Variants in CNTN1 observed in about 807,000 individuals in gnomAD.
CNTN1 encodes contactin-1.
In CNTN1, 38 loss-of-function variants were observed where a neutral mutation model predicts 126.4. The observed-to-expected ratio is 0.30, with a 90% CI of 0.23 to 0.39. The LOEUF (loss-of-function observed/expected upper bound fraction) is 0.39. Among genes scored for constraint, CNTN1 ranks in the 10% least tolerant of loss-of-function variants. The probability of loss-of-function intolerance (pLI) is 1.00; values close to 1 mark genes in which losing one functional copy is unlikely to be tolerated. For missense variants in CNTN1, 1,009 were observed against 1,248.4 expected (o/e 0.81, Z 2.89); for synonymous variants, 413 against 422.6 (o/e 0.98, Z 0.28).
intron 23 of CNTN1, among the ~76,000 whole-genome samples, chr12:41,041,973 G>T (rs562951650): frequency 6.6e-6 from 1 of 152,122 alleles, no homozygotes; most frequent in South Asian, 2.1e-4. Context: ...GAATATGTTT[G>T]CTCTTGCTTT....
chr12:40,705,682 C>T (rs527805079), intron 1 of CNTN1, among the ~76,000 whole-genome samples: 1 of 152,192 alleles, frequency 6.6e-6, no homozygotes, highest in South Asian at 2.1e-4. Context: ...TTAGTCCATT[C>T]CTGCATTGCT....
chr12:40,804,463 G>A lies in CNTN1; in HGVS notation c.-76-103894G>A, dbSNP rs1296615692. On this transcript the variant is annotated intron_variant, in intron 1 of 23. Transcript: ENST00000551295. The stretch of plus-strand genomic sequence containing the variant: ...AAGAGACTGTATGTTTGAAAAGAAG[G>A]TTGGGAAACCAGTTTAATATTCCAC... 2.0e-5 allele frequency among the ~76,000 whole-genome samples: 3 copies of A among 152,006 alleles called. No homozygotes were observed. The South Asian group carries it at 6.2e-4, about 32-fold the overall frequency.
intron 1 of CNTN1, among the ~76,000 whole-genome samples, chr12:40,717,096 A>G (rs577254035): frequency 6.6e-6 from 1 of 152,270 alleles, no homozygotes; most frequent in South Asian, 2.1e-4. Context: ...CTGTTTTATA[A>G]GAAAGGCTCA....
intron 15 of CNTN1, among the ~76,000 whole-genome samples, chr12:40,964,525 A>AGTGTGTGTGTGTGTGTGTGTGT: frequency 9.5e-6 from 1 of 104,822 alleles, no homozygotes; most frequent in African/African-American, 3.0e-5. Context: ...CGTGTAAGTG[A>AGTGTGTGTGTGTGTGTGTGTGT]GTGTGTGTGT....
chr12:40,926,646 CAA>C (rs1234488936), intron 6 of CNTN1, among the ~76,000 whole-genome samples: 4 of 151,942 alleles, frequency 2.6e-5, no homozygotes, highest in Non-Finnish European at 5.9e-5. Flanking sequence ...AAGGTGGAAA[CAA>C]GAGATCTGTT....
At chr12:40,858,694 A>C (rs541545048) in intron 1 of CNTN1, among the ~76,000 whole-genome samples, 16 of 152,294 alleles carry the variant, frequency 1.1e-4, no homozygotes, top group Non-Finnish European at 2.1e-4. Flanking sequence ...TCATTGCAGC[A>C]CTATTCACAA....
intron 3 of CNTN1, among the ~76,000 whole-genome samples, chr12:40,916,061 G>T (rs1362885381): frequency 6.6e-6 from 1 of 151,960 alleles, no homozygotes; most frequent in Non-Finnish European, 1.5e-5. Flanking sequence ...GTACTTAGAA[G>T]ATCTTTATGA....
At chr12:40,701,245 C>G (rs939789202) in intron 1 of CNTN1, among the ~76,000 whole-genome samples, 1 of 152,132 alleles carries the variant, frequency 6.6e-6, no homozygotes. Context: ...TCTTTCACTA[C>G]AGTAATTTAC....
intron 1 of CNTN1, among the ~76,000 whole-genome samples, chr12:40,780,298 A>G (rs1158015996): frequency 6.6e-6 from 1 of 151,926 alleles, no homozygotes; most frequent in Non-Finnish European, 1.5e-5. Context: ...AACTTGTCAC[A>G]TACATATCCC....
intron 15 of CNTN1, among the ~76,000 whole-genome samples, chr12:40,978,510 G>A (rs1464916574): frequency 6.6e-6 from 1 of 151,990 alleles, no homozygotes; most frequent in African/African-American, 2.4e-5. Flanking sequence ...TTACAGAACT[G>A]CCTGAACATT....
At chr12:41,018,610 A>T (rs1031521882) in intron 19 of CNTN1, among the ~76,000 whole-genome samples, 1 of 150,976 alleles carries the variant, frequency 6.6e-6, no homozygotes, top group Middle Eastern at 3.5e-3. Flanking sequence ...GTGTGTATAT[A>T]TAAGTATATA....
At chr12:40,861,257 T>A (rs1162273483) in intron 1 of CNTN1, among the ~76,000 whole-genome samples, 1 of 152,150 alleles carries the variant, frequency 6.6e-6, no homozygotes, top group Non-Finnish European at 1.5e-5. Flanking sequence ...TTTGGCTGCA[T>A]TTGTCTCAGC....
At chr12:40,867,075 C>T (rs4768314) in intron 1 of CNTN1, among the ~76,000 whole-genome samples, 1 of 152,134 alleles carries the variant, frequency 6.6e-6, no homozygotes, top group African/African-American at 2.4e-5. Context: ...TGGTGAGCAC[C>T]AGAAGTCTCT....
intron 23 of CNTN1, among the ~76,000 whole-genome samples, chr12:41,047,812 T>A (rs1007837842): frequency 7.2e-5 from 11 of 152,068 alleles, no homozygotes; most frequent in African/African-American, 2.7e-4. Flanking sequence ...TTCCCACGGT[T>A]CTACCCTAGC....
intron 1 of CNTN1, among the ~76,000 whole-genome samples, chr12:40,738,814 A>G (rs992992630): frequency 6.6e-6 from 1 of 152,108 alleles, no homozygotes; most frequent in African/African-American, 2.4e-5. Context: ...TGCAAAAATT[A>G]AAAAGCATAG....
chr12:41,032,192 G>A (rs957501773), intron 23 of CNTN1, among the ~76,000 whole-genome samples: 1 of 151,962 alleles, frequency 6.6e-6, no homozygotes, highest in Non-Finnish European at 1.5e-5. Context: ...GCCTCTCAAG[G>A]CCTATTATCT....
intron 1 of CNTN1, among the ~76,000 whole-genome samples, chr12:40,858,189 T>C (rs1440140505): frequency 6.6e-6 from 1 of 152,146 alleles, no homozygotes; most frequent in Non-Finnish European, 1.5e-5. Context: ...CCCTTCTCAC[T>C]GCACCTTCAT....
At chr12:41,019,169 A>AAAC (rs951747098) in intron 19 of CNTN1, among the ~76,000 whole-genome samples, 1 of 152,184 alleles carries the variant, frequency 6.6e-6, no homozygotes, top group African/African-American at 2.4e-5. Flanking sequence ...AAACAAAACA[A>AAAC]AACAACAATG....
intron 1 of CNTN1, among the ~76,000 whole-genome samples, chr12:40,769,245 A>G (rs554719600): frequency 5.7e-4 from 85 of 149,824 alleles, no homozygotes; most frequent in Non-Finnish European, 1.0e-3. Flanking sequence ...GATGAATTTT[A>G]GTAGTTGTAA....
Sources: gnomAD v4.1 joint callset for allele counts (sites outside exome capture counted in the v4.1 genomes callset) on GRCh38, gnomAD v4.1.1 for gene constraint, MANE v1.5 for transcripts, NCBI Gene and HGNC (gene_info 2026-07-23, HGNC 2026-07-21) for gene names.